TRPV2: variants seen among roughly 807,000 people sequenced by gnomAD.
The protein encoded by TRPV2 is transient receptor potential cation channel subfamily V member 2, also known as OTRPC2.
In TRPV2, 58 loss-of-function variants were observed where a neutral mutation model predicts 91.0. The observed-to-expected ratio is 0.64, with a 90% CI of 0.52 to 0.79. The LOEUF (loss-of-function observed/expected upper bound fraction) is 0.79. Ranked by LOEUF, TRPV2 falls within the 30% of genes least tolerant of loss-of-function variation. The pLI is 0.00. For missense variants in TRPV2, 807 were observed against 969.6 expected (o/e 0.83, Z 2.23); for synonymous variants, 417 against 414.8 (o/e 1.01, Z -0.06).
At chr17:16,417,398 G>A (rs2093336102) in intron 1 of TRPV2, among the ~76,000 whole-genome samples, 164 bp from the exon 2 acceptor site, 1 of 151,562 alleles carries the variant, frequency 6.6e-6, no homozygotes, top group South Asian at 2.1e-4. Flanking sequence ...AAGCCACCAT[G>A]CCCAGCTAAT....
Position 16,426,371 on chromosome 17 carries a change from G to A in TRPV2, c.1095+102G>A, listed in dbSNP as rs2093383275. The stretch of plus-strand genomic sequence containing the variant: ...GCTGGACCATATCTGCCCCATTCCT[G>A]TGCCAGTGGGGGTGTGGCTGCATGT... On this transcript the variant is annotated intron_variant, in intron 6 of 14. Transcript: ENST00000338560. The surrounding 1 kb of genome is among the most constrained non-coding windows in gnomAD (Gnocchi z 6.0). The A allele has an allele frequency of 2.2e-6, 3 of 1,394,752 alleles. No homozygotes were observed. Among genetic ancestry groups the A allele is most frequent in the African/African-American group, 2.8e-5 (2 of 70,190 alleles). 86.4% of individuals were successfully genotyped at this position (1,394,752 alleles called of 1,614,324 possible). A position where few individuals can be genotyped will look rare whatever the true frequency, so the allele number is the denominator to read the frequency against.
Position 16,422,775 on chromosome 17 carries a change from A to G in TRPV2, c.511A>G (p.Ile171Val), listed in dbSNP as rs756813308. ...AGGCCACAGCGCTCTGCACATCGCC[A>G]TTGAGAAGAGGAGTCTGCAGTGTGT... ...YRGHSALHIA[I>V]EKRSLQCVKL... The change falls in exon 4 of 15, where the codon ATT (isoleucine) becomes GTT (valine). Residue 171 changes from isoleucine (I) to valine (V), a missense_variant. Coordinates refer to ENST00000338560, the MANE Select transcript of TRPV2 (RefSeq NM_016113.5). The G allele has an allele frequency of 3.2e-6, 5 of 1,574,984 alleles. No individual in the cohort carries two copies. Among genetic ancestry groups the G allele is most frequent in the African/African-American group, 1.4e-5 (1 of 73,934 alleles).
intron 2 of TRPV2, 141 bp downstream of exon 2, chr17:16,418,009 C>G: frequency 1.2e-6 from 1 of 824,542 alleles, no homozygotes; most frequent in South Asian, 1.8e-5. Flanking sequence ...CCTGGTGGCT[C>G]CTGGGCCCGA....
intron 12 of TRPV2, 128 bp from the exon 13 acceptor site, chr17:16,433,446 C>A: frequency 2.2e-6 from 3 of 1,351,068 alleles, no homozygotes; most frequent in Non-Finnish European, 2.0e-6. Context: ...TTCGAATCCG[C>A]GTGTTTAGTT....
chr17:16,417,372 C>G (rs2093335980), intron 1 of TRPV2, among the ~76,000 whole-genome samples, 190 bp from the exon 2 acceptor site: 1 of 151,274 alleles, frequency 6.6e-6, no homozygotes, highest in Non-Finnish European at 1.5e-5. Flanking sequence ...TCCCTAGTAG[C>G]TGGGATTACA....
rs1382814765 is a variant in TRPV2 at position 16,422,879 on chromosome 17, C to T, written c.615C>T (p.Cys205=). The change falls in exon 4 of 15, where the codon TGC becomes TGT. Residue 205 remains cysteine (C), a synonymous_variant. Coordinates refer to ENST00000338560, the MANE Select transcript of TRPV2 (RefSeq NM_016113.5). Reference sequence around the variant, plus strand: ...TCTTCCAGAAGGGCCAAGGGACTTGCTTTTATTTCGGTGAGTGAGCCTTTC... The same window carrying T: ...TCTTCCAGAAGGGCCAAGGGACTTGTTTTTATTTCGGTGAGTGAGCCTTTC... ...GRFFQKGQGT[C]FYFGELPLSL... is the part of the protein sequence containing the mutation. 1 of 1,562,086 alleles carries T rather than the reference C, an allele frequency of 6.4e-7. No homozygotes were observed. Among genetic ancestry groups the T allele is most frequent in the Non-Finnish European group, 8.7e-7 (1 of 1,151,722 alleles).
In TRPV2 at chr17:16,417,761, T is replaced by A. The variant is rs768586037; in HGVS notation, c.93T>A (p.Asp31Glu). The A allele has an allele frequency of 4.3e-6, 7 of 1,614,118 alleles. No homozygotes were observed. The highest frequency in any genetic ancestry group is 5.9e-6 in the Non-Finnish European group (7 of 1,180,004). ...DGSEADRGKL[D>E]FGSGLPPMES... ...CTGAGGCGGACAGAGGAAAGCTGGA[T>A]TTTGGGAGCGGGCTGCCTCCCATGG... Residue 31 changes from aspartate to glutamate, a missense_variant, in exon 2 of 15, where the codon GAT becomes GAA. Physicochemically the swap from Asp to Glu is conservative, Grantham distance 45. Coordinates refer to ENST00000338560, the MANE Select transcript of TRPV2 (RefSeq NM_016113.5).
Position 16,434,283 on chromosome 17 carries a change from A to G in TRPV2, c.2114+585A>G, listed in dbSNP as rs2093425784. Among the ~76,000 whole-genome samples the G allele has an allele frequency of 2.6e-5, 4 of 152,218 alleles. No homozygotes were observed. In the South Asian group the frequency reaches 8.3e-4, roughly 32 times the overall value. ...GGAGATCGAGACCATCCTGGCTAAC[A>G]CAGTGAAACCCCATCTCTACTAAAA... On this transcript the variant is annotated intron_variant, in intron 13 of 14. Coordinates refer to ENST00000338560, the MANE Select transcript of TRPV2 (RefSeq NM_016113.5).
At chr17:16,420,796 T>C (rs900659353) in intron 3 of TRPV2, among the ~76,000 whole-genome samples, 1 of 152,188 alleles carries the variant, frequency 6.6e-6, no homozygotes, top group Admixed American at 6.5e-5. Context: ...TTTTTATTTT[T>C]GGAGAGATGG....
In TRPV2 at chr17:16,431,947, CT is replaced by C; in HGVS notation, c.1655-18del. 1.9e-6 allele frequency: 3 copies of C among 1,609,884 alleles called. No homozygotes were observed. In the Middle Eastern group the frequency reaches 5.0e-4, roughly 267 times the overall value. On this transcript the variant is annotated intron_variant, in intron 11 of 14. Coordinates refer to ENST00000338560, the MANE Select transcript of TRPV2 (RefSeq NM_016113.5). ...CACCGGTCTCCTGGGCTAAGGACCCCTCTCCCTTCATCCCATAGCCCTGGTG... is the reference window on the plus strand; with the variant it reads ...CACCGGTCTCCTGGGCTAAGGACCCCCTCCCTTCATCCCATAGCCCTGGTG...
chr17:16,435,098 C>T lies in TRPV2; in HGVS notation c.2194+129C>T. The T allele has an allele frequency of 1.6e-6, 1 of 638,682 alleles. No homozygotes were observed. Among genetic ancestry groups the T allele is most frequent in the Non-Finnish European group, 2.5e-6 (1 of 393,710 alleles). The allele number at this position is 638,682 out of a possible 1,614,324, so 39.6% of individuals were successfully genotyped here. A position where few individuals can be genotyped will look rare whatever the true frequency, so the allele number is the denominator to read the frequency against. On this transcript the variant is annotated intron_variant, in intron 14 of 14. Coordinates refer to ENST00000338560, the MANE Select transcript of TRPV2 (RefSeq NM_016113.5). The surrounding 1 kb of genome is among the most constrained non-coding windows in gnomAD (Gnocchi z 4.2). ...AGTCCCTTTGCAGATCCCCACATGC[C>T]AGCTCCTCTTAGAGGGATTGCCTCC...
intron 12 of TRPV2, 37 bp downstream of exon 12, chr17:16,432,337 C>G: frequency 6.4e-7 from 1 of 1,564,076 alleles, no homozygotes; most frequent in Non-Finnish European, 8.7e-7. Context: ...CACCCCACCC[C>G]ACACTCAGGC....
At chr17:16,434,863 A>T in intron 13 of TRPV2, 27 bp from the exon 14 acceptor site, 1 of 1,605,028 alleles carries the variant, frequency 6.2e-7, no homozygotes, top group Non-Finnish European at 8.5e-7. Context: ...AAGCAGGCAA[A>T]CCTCAGAGCT....
rs1280595781 is a variant in TRPV2, at chr17:16,435,649, CCCACCTT to C, written c.2194+685_2194+691del. 6.6e-6 allele frequency among the ~76,000 whole-genome samples: 1 copy of C among 152,096 alleles called. No individual in the cohort carries two copies. The highest frequency in any genetic ancestry group is 1.5e-5 in the Non-Finnish European group (1 of 68,012). ...TTTCTTTCTAGAACCTTCAATAGCT[CCCACCTT>C]CCACTGGTTCACCTCCTCTCCTTTC... On this transcript the variant is annotated intron_variant, in intron 14 of 14. Transcript: ENST00000338560. The surrounding 1 kb of genome is among the most constrained non-coding windows in gnomAD (Gnocchi z 4.2).
intron 3 of TRPV2, among the ~76,000 whole-genome samples, chr17:16,421,636 C>T (rs2093357957): frequency 6.6e-6 from 1 of 151,842 alleles, no homozygotes; most frequent in Non-Finnish European, 1.5e-5. Context: ...ATTCTCCTGC[C>T]TCAGCCTCCC....
intron 2 of TRPV2, 138 bp downstream of exon 2, chr17:16,418,006 G>C: frequency 4.7e-6 from 4 of 851,124 alleles, no homozygotes; most frequent in Non-Finnish European, 7.2e-6. Context: ...GGCCCTGGTG[G>C]CTCCTGGGCC....
Position 16,426,665 on chromosome 17 carries a change from T to G in TRPV2, c.1096-57T>G. On this transcript the variant is annotated intron_variant, in intron 6 of 14. Coordinates refer to ENST00000338560, the MANE Select transcript of TRPV2 (RefSeq NM_016113.5). The surrounding 1 kb of genome is among the most constrained non-coding windows in gnomAD (Gnocchi z 6.0). ...CCCTTGCTTTGATCTTGACATGGAG[T>G]GGGCAGCCTATTTGCACTTGTTGAG... is the stretch of plus-strand genomic sequence containing the variant. The G allele has an allele frequency of 6.4e-7, 1 of 1,564,104 alleles. No homozygotes were observed.
chr17:16,433,614 G>A lies in TRPV2; in HGVS notation c.2030G>A (p.Trp677Ter), dbSNP rs376418266. 12 of 1,614,064 alleles carry A rather than the reference G, an allele frequency of 7.4e-6. No individual in the cohort carries two copies. The highest frequency in any genetic ancestry group is 2.7e-5 in the African/African-American group (2 of 74,940). The part of the protein sequence containing the change: ...SVLEMENGYW[W>*]CRKKQRAGVM... The stretch of plus-strand genomic sequence containing the variant: ...CTGGAGATGGAGAATGGCTATTGGT[G>A]GTGCAGGAAGAAGCAGCGGGCAGGT... Residue 677 changes from tryptophan to a stop codon, truncating the protein, a stop_gained, in exon 13 of 15, where the codon TGG becomes TAG. Coordinates refer to ENST00000338560, the MANE Select transcript of TRPV2 (RefSeq NM_016113.5). LOFTEE classifies it high-confidence loss of function.
intron 5 of TRPV2, 119 bp from the exon 6 acceptor site, chr17:16,425,980 T>C: frequency 9.1e-7 from 1 of 1,104,482 alleles, no homozygotes; most frequent in Non-Finnish European, 1.3e-6. Flanking sequence ...TACGTGCACG[T>C]GTCAGCTGCA....
Sources: gnomAD v4.1 joint callset for allele counts (sites outside exome capture counted in the v4.1 genomes callset) on GRCh38, gnomAD v4.1.1 for gene constraint, Gnocchi (gnomAD v3.1) non-coding constraint, MANE v1.5 for transcripts, NCBI Gene and HGNC (gene_info 2026-07-23, HGNC 2026-07-21) for gene names.